Variants in CDH4 observed in about 807,000 individuals in gnomAD.
The protein encoded by CDH4 is cadherin 4, also known as cadherin-4.
In CDH4, 33 loss-of-function variants were observed where a neutral mutation model predicts 86.0. The observed-to-expected ratio is 0.38, with a 90% CI of 0.29 to 0.51. The LOEUF is 0.51. Among genes scored for constraint, CDH4 ranks in the 20% least tolerant of loss-of-function variants. The pLI is 0.86. For missense variants in CDH4, 1,114 were observed against 1,307.4 expected (o/e 0.85, Z 2.28); for synonymous variants, 555 against 549.4 (o/e 1.01, Z -0.14).
intron 2 of CDH4, among the ~76,000 whole-genome samples, chr20:61,319,150 T>TATAA (rs1385186325): frequency 6.6e-6 from 1 of 151,916 alleles, no homozygotes; most frequent in East Asian, 1.9e-4. Flanking sequence ...ACAATAAGCA[T>TATAA]AATAATATAA....
intron 2 of CDH4, among the ~76,000 whole-genome samples, chr20:61,286,004 C>T (rs575704352): frequency 6.6e-5 from 10 of 152,322 alleles, no homozygotes; most frequent in East Asian, 1.9e-4. Flanking sequence ...TTTCCTTCCC[C>T]CTTCCTATGA....
intron 2 of CDH4, among the ~76,000 whole-genome samples, chr20:61,698,855 G>A (rs2087743259): frequency 1.3e-5 from 2 of 152,238 alleles, no homozygotes; most frequent in Admixed American, 1.3e-4. Context: ...GCCTGATGTC[G>A]GGCTGCCTTG....
intron 4 of CDH4, among the ~76,000 whole-genome samples, chr20:61,818,573 G>A (rs1295247008): frequency 6.6e-6 from 1 of 151,974 alleles, no homozygotes; most frequent in Non-Finnish European, 1.5e-5. Flanking sequence ...AGCTGCTTGC[G>A]GGGCTGAGAC....
intron 2 of CDH4, among the ~76,000 whole-genome samples, chr20:61,441,417 A>C (rs1364156903): frequency 6.6e-6 from 1 of 152,172 alleles, no homozygotes; most frequent in Non-Finnish European, 1.5e-5. Context: ...CATCGATGAC[A>C]CTGGTTATAC....
At chr20:61,903,468 A>C (rs1013293203) in intron 8 of CDH4, among the ~76,000 whole-genome samples, 5 of 147,690 alleles carry the variant, frequency 3.4e-5, no homozygotes, top group Non-Finnish European at 5.9e-5. Context: ...TTGCTTGAAC[A>C]CAGGAAGTGG....
intron 2 of CDH4, among the ~76,000 whole-genome samples, chr20:61,584,533 T>A (rs574635606): frequency 2.6e-5 from 4 of 152,330 alleles, no homozygotes; most frequent in African/African-American, 9.6e-5. Context: ...AGAGCCCCTG[T>A]CACATCCGCT....
intron 2 of CDH4, among the ~76,000 whole-genome samples, chr20:61,469,443 A>G (rs6121549): frequency 0.01 from 1,555 of 152,162 alleles, 30 homozygotes; most frequent in African/African-American, 0.036. Context: ...TGAGCCCTTT[A>G]TATATTCTGG....
At chr20:61,787,852 A>C (rs1439907235) in intron 4 of CDH4, among the ~76,000 whole-genome samples, 1 of 152,180 alleles carries the variant, frequency 6.6e-6, no homozygotes, top group African/African-American at 2.4e-5. Context: ...AAATGCTCAG[A>C]GTCTTAGAGG....
chr20:61,583,211 CGGGG>C (rs1417777491), intron 2 of CDH4, among the ~76,000 whole-genome samples: 4 of 78,682 alleles, frequency 5.1e-5, no homozygotes, highest in Non-Finnish European at 8.8e-5. Context: ...GAGGGCTCTG[CGGGG>C]GGACAGACGG....
intron 2 of CDH4, among the ~76,000 whole-genome samples, chr20:61,455,836 G>T (rs532173775): frequency 2.6e-5 from 4 of 152,278 alleles, no homozygotes; most frequent in Admixed American, 2.6e-4. Flanking sequence ...TGCAGCATGG[G>T]ACCAAGCAAG....
In CDH4 at chr20:61,882,445, G is replaced by A. The variant is rs368383513; in HGVS notation, c.1050+8545G>A. On this transcript the variant is annotated intron_variant, in intron 7 of 15. Coordinates refer to ENST00000614565, the MANE Select transcript of CDH4 (RefSeq NM_001794.5). ...GTTTTAACTCGGTCAACATCGAAAC[G>A]AGAGATTTCTATTCAAATCCCGCCT... Among the ~76,000 whole-genome samples the A allele has an allele frequency of 9.7e-4, 148 of 152,328 alleles. 2 individuals are homozygous for A. The highest frequency in any genetic ancestry group is 2.9e-3 in the African/African-American group (121 of 41,582).
intron 2 of CDH4, among the ~76,000 whole-genome samples, chr20:61,545,142 A>C (rs766295003): frequency 6.6e-6 from 1 of 152,232 alleles, no homozygotes; most frequent in Non-Finnish European, 1.5e-5. Flanking sequence ...AGATCCCAGA[A>C]GGCAGCAAGC....
At chr20:61,814,730 G>C in intron 4 of CDH4, among the ~76,000 whole-genome samples, 1 of 152,228 alleles carries the variant, frequency 6.6e-6, no homozygotes, top group East Asian at 1.9e-4. Flanking sequence ...AGCACTTGAT[G>C]GAGTAGCTTC....
intron 2 of CDH4, among the ~76,000 whole-genome samples, chr20:61,346,092 C>T (rs1247164101): frequency 6.6e-6 from 1 of 152,164 alleles, no homozygotes; most frequent in Non-Finnish European, 1.5e-5. Flanking sequence ...ATAAATGCTG[C>T]AGGGAAACCA....
intron 2 of CDH4, among the ~76,000 whole-genome samples, chr20:61,576,027 G>C (rs982222129): frequency 6.6e-6 from 1 of 152,190 alleles, no homozygotes; most frequent in Non-Finnish European, 1.5e-5. Flanking sequence ...AGGAGGAAAA[G>C]GGAGGGAAGG....
At chr20:61,426,957 C>T (rs772352715) in intron 2 of CDH4, among the ~76,000 whole-genome samples, 10 of 152,188 alleles carry the variant, frequency 6.6e-5, no homozygotes, top group Non-Finnish European at 1.3e-4. Flanking sequence ...TGATTGGGTA[C>T]TGTGTTCCAG....
intron 2 of CDH4, among the ~76,000 whole-genome samples, chr20:61,354,205 C>T (rs1020457331): frequency 1.3e-5 from 2 of 152,094 alleles, no homozygotes; most frequent in Non-Finnish European, 2.9e-5. Flanking sequence ...AATGTCCCAG[C>T]GCCGAGGTCG....
intron 8 of CDH4, among the ~76,000 whole-genome samples, chr20:61,897,981 G>A (rs754884790): frequency 2.0e-4 from 31 of 152,226 alleles, no homozygotes; most frequent in Non-Finnish European, 3.5e-4. Context: ...ACAATGGACG[G>A]ATGACCCTGG....
chr20:61,546,075 T>TG (rs1215925703), intron 2 of CDH4, among the ~76,000 whole-genome samples: 1 of 100,610 alleles, frequency 9.9e-6, no homozygotes, highest in Non-Finnish European at 2.1e-5. Context: ...GTGGAGGGGG[T>TG]TTGTTCACAC....
Sources: gnomAD v4.1 joint callset for allele counts (sites outside exome capture counted in the v4.1 genomes callset) on GRCh38, gnomAD v4.1.1 for gene constraint, MANE v1.5 for transcripts, NCBI Gene and HGNC (gene_info 2026-07-23, HGNC 2026-07-21) for gene names.